RXFP2: variants seen among roughly 807,000 people sequenced by gnomAD.
The protein encoded by RXFP2 is relaxin family peptide receptor 2.
Under a neutral mutation model 88.6 loss-of-function variants are expected in RXFP2, and 68 were observed. The observed-to-expected ratio is 0.77, with a 90% CI of 0.63 to 0.94. RXFP2 has a LOEUF of 0.94. Among genes scored for constraint, RXFP2 ranks in the 40% least tolerant of loss-of-function variants. The pLI, the probability that RXFP2 is intolerant of heterozygous loss-of-function variation, is 0.00. For missense variants in RXFP2, 791 were observed against 893.9 expected (o/e 0.88, Z 1.47); for synonymous variants, 329 against 306.8 (o/e 1.07, Z -0.76).
chr13:31,751,853 CA>C (rs1264866251), intron 1 of RXFP2, among the ~76,000 whole-genome samples: 2 of 152,174 alleles, frequency 1.3e-5, no homozygotes, highest in African/African-American at 4.8e-5. Flanking sequence ...TCGCCTCAGG[CA>C]GGCTTTAGGA....
intron 1 of RXFP2, among the ~76,000 whole-genome samples, chr13:31,747,392 G>C (rs747789743): frequency 6.6e-6 from 1 of 152,074 alleles, no homozygotes; most frequent in Non-Finnish European, 1.5e-5. Flanking sequence ...ATTGGTGTAA[G>C]ATAAATGAAA....
intron 17 of RXFP2, among the ~76,000 whole-genome samples, chr13:31,801,422 C>T (rs985445021): frequency 6.6e-6 from 1 of 151,922 alleles, no homozygotes; most frequent in South Asian, 2.1e-4. Flanking sequence ...ATAAGTGATT[C>T]GCTCACACTC....
intron 4 of RXFP2, among the ~76,000 whole-genome samples, chr13:31,765,720 G>A (rs1872523609): frequency 6.6e-6 from 1 of 152,060 alleles, no homozygotes; most frequent in Non-Finnish European, 1.5e-5. Flanking sequence ...AAATCAACAT[G>A]GACTTCCCAG....
At chr13:31,787,967 T>C (rs1250749258) in intron 13 of RXFP2, among the ~76,000 whole-genome samples, 3 of 152,128 alleles carry the variant, frequency 2.0e-5, no homozygotes, top group African/African-American at 7.2e-5. Flanking sequence ...CTGTGATTCA[T>C]TTACCCATTT....
intron 5 of RXFP2, among the ~76,000 whole-genome samples, chr13:31,770,028 T>C (rs2138422762): frequency 6.6e-6 from 1 of 152,366 alleles, no homozygotes; most frequent in Non-Finnish European, 1.5e-5. Context: ...ATATGTGTCA[T>C]TCTTTCTTTT....
intron 10 of RXFP2, among the ~76,000 whole-genome samples, 183 bp downstream of exon 10, chr13:31,781,925 G>A (rs1489660667): frequency 1.3e-5 from 2 of 152,020 alleles, no homozygotes; most frequent in African/African-American, 4.8e-5. Flanking sequence ...CTCAAGTTAA[G>A]GTGCCCACCC....
intron 13 of RXFP2, among the ~76,000 whole-genome samples, chr13:31,788,144 A>G (rs1338208734): frequency 6.6e-6 from 1 of 151,954 alleles, no homozygotes; most frequent in Non-Finnish European, 1.5e-5. Flanking sequence ...AGAGAAAAAA[A>G]AAAAAAGGAA....
chr13:31,795,392 C>T (rs1039269633), intron 16 of RXFP2, among the ~76,000 whole-genome samples: 9 of 152,070 alleles, frequency 5.9e-5, no homozygotes, highest in Admixed American at 2.6e-4. Flanking sequence ...TCAAGCGATC[C>T]GCCCACCTCG....
intron 14 of RXFP2, among the ~76,000 whole-genome samples, chr13:31,789,443 C>T (rs1873698685): frequency 6.6e-6 from 1 of 152,116 alleles, no homozygotes; most frequent in Non-Finnish European, 1.5e-5. Context: ...ATCAGGGTAC[C>T]AGAATGCCAC....
rs184189249 is a variant in RXFP2, at chr13:31,803,355, A to G, written c.*950A>G. On this transcript the variant is annotated 3_prime_UTR_variant, in exon 18 of 18. Transcript: ENST00000298386. ...GAAACTGAAAAAAATTATATGTGAAAATGAGAACTGGGTAAATAAAATTAT... is the reference window on the plus strand; with the variant it reads ...GAAACTGAAAAAAATTATATGTGAAGATGAGAACTGGGTAAATAAAATTAT... 1 of 152,306 alleles carries G rather than the reference A, an allele frequency of 6.6e-6. No homozygotes were observed. The highest frequency in any genetic ancestry group is 1.9e-4 in the East Asian group (1 of 5,182). The allele number at this position is 152,306 out of a possible 1,614,324, so 9.4% of individuals were successfully genotyped here. A position where few individuals can be genotyped will look rare whatever the true frequency, so the allele number is the denominator to read the frequency against.
At chr13:31,754,891 A>C (rs1309822797) in intron 1 of RXFP2, among the ~76,000 whole-genome samples, 5 of 148,136 alleles carry the variant, frequency 3.4e-5, no homozygotes, top group Admixed American at 3.4e-4. Flanking sequence ...AAAAATCATG[A>C]AATGCTGAGG....
chr13:31,753,712 G>T (rs1276567619), intron 1 of RXFP2, among the ~76,000 whole-genome samples: 1 of 152,246 alleles, frequency 6.6e-6, no homozygotes, highest in Non-Finnish European at 1.5e-5. Flanking sequence ...TAAATGAAGT[G>T]CATGGAAGAC....
intron 2 of RXFP2, among the ~76,000 whole-genome samples, chr13:31,758,983 G>T (rs1394891518): frequency 6.6e-6 from 1 of 151,776 alleles, no homozygotes; most frequent in Non-Finnish European, 1.5e-5. Context: ...GGGAGGCAAG[G>T]TTGCGGTGAG....
intron 9 of RXFP2, among the ~76,000 whole-genome samples, chr13:31,779,668 C>T (rs1278401277): frequency 1.3e-5 from 2 of 152,154 alleles, no homozygotes; most frequent in African/African-American, 4.8e-5. Context: ...TATTGCTTTC[C>T]TGTTCCATGA....
At chr13:31,750,723 A>G (rs146409687) in intron 1 of RXFP2, among the ~76,000 whole-genome samples, 77 of 152,358 alleles carry the variant, frequency 5.1e-4, no homozygotes, top group African/African-American at 1.8e-3. Flanking sequence ...GGACTATGAA[A>G]GAGCCATTGG....
At chr13:31,758,185 G>A in intron 1 of RXFP2, 73 bp from the exon 2 acceptor site, 1 of 1,535,516 alleles carries the variant, frequency 6.5e-7, no homozygotes, top group Middle Eastern at 1.7e-4. Context: ...TAGCTCTTGT[G>A]AAAATTAAAT....
At chr13:31,753,413 G>A (rs562720455) in intron 1 of RXFP2, among the ~76,000 whole-genome samples, 1 of 152,290 alleles carries the variant, frequency 6.6e-6, no homozygotes, top group East Asian at 1.9e-4. Flanking sequence ...GGTGACTACT[G>A]AGCAATTCTC....
chr13:31,751,610 T>C (rs1871677545), intron 1 of RXFP2, among the ~76,000 whole-genome samples: 1 of 152,208 alleles, frequency 6.6e-6, no homozygotes, highest in African/African-American at 2.4e-5. Context: ...GGGAATAGAA[T>C]CTGGGATAAT....
intron 7 of RXFP2, among the ~76,000 whole-genome samples, chr13:31,776,942 A>G (rs987809292): frequency 6.6e-6 from 1 of 152,202 alleles, no homozygotes; most frequent in Non-Finnish European, 1.5e-5. Context: ...TATTTAATAC[A>G]TCAGTTTAAC....
Sources: allele counts gnomAD v4.1 joint callset (sites outside exome capture counted in the v4.1 genomes callset), GRCh38; gene constraint gnomAD v4.1.1; transcripts MANE v1.5; gene names NCBI Gene and HGNC (gene_info 2026-07-23, HGNC 2026-07-21).